NDUFV3: variants seen among roughly 807,000 people sequenced by gnomAD.
NDUFV3 encodes the protein NADH dehydrogenase [ubiquinone] flavoprotein 3, mitochondrial.
A neutral mutation model predicts 37.5 loss-of-function variants in NDUFV3; 44 were observed. That is an observed-to-expected ratio of 1.17 (90% confidence interval 0.92 to 1.51). NDUFV3 has a LOEUF of 1.51. Ranked by LOEUF, NDUFV3 falls within the 40% of genes most tolerant of loss-of-function variation. NDUFV3 has a pLI of 0.00. For synonymous variants in NDUFV3, 235 were observed against 239.3 expected (o/e 0.98, Z 0.17); for missense variants, 580 against 580.4 (o/e 1.00, Z 0.01).
In NDUFV3 at chr21:42,901,052, T is replaced by C. The variant is rs1409235755; in HGVS notation, c.170-2130T>C. Among the ~76,000 whole-genome samples, 2 of 152,188 alleles carry C rather than the reference T, an allele frequency of 1.3e-5. 1 individual carries two copies. The highest frequency in any genetic ancestry group is 3.8e-4 in the East Asian group (2 of 5,202). ...TATGTCCAGAAGCCACAGTTAATTA[T>C]CCATTTGAAGTCCTTGTTTCAGTTT... On this transcript the variant is annotated intron_variant, in intron 2 of 3. Transcript: ENST00000354250.
chr21:42,901,870 CTG>C (rs1477521624), intron 2 of NDUFV3, among the ~76,000 whole-genome samples: 5 of 152,232 alleles, frequency 3.3e-5, no homozygotes, highest in Non-Finnish European at 7.3e-5. Context: ...ATTTTAATCA[CTG>C]TGCTGTCTTC....
rs188261973 is a variant in NDUFV3 at position 42,901,122 on chromosome 21, A to C, written c.170-2060A>C. 2.0e-5 allele frequency among the ~76,000 whole-genome samples: 3 copies of C among 152,224 alleles called. No homozygotes were observed. The East Asian group carries it at 5.8e-4, about 29-fold the overall frequency. On this transcript the variant is annotated intron_variant, in intron 2 of 3. Coordinates refer to ENST00000354250, the MANE Select transcript of NDUFV3 (RefSeq NM_021075.4). ...GAAATAGAAATTTCACGTAATTTCT[A>C]TTTACACACAGTGTAAATAGTGGCT...
rs1307995263 is a variant in NDUFV3, at chr21:42,911,307, T to TG, written c.*2287dup. ...AGTATTGTGGTCATCTGCCTCAAAT[T>TG]GTGTTACCACACGGGAGACTTAGCA... On this transcript the variant is annotated 3_prime_UTR_variant, in exon 4 of 4. Coordinates refer to ENST00000354250, the MANE Select transcript of NDUFV3 (RefSeq NM_021075.4). The TG allele has an allele frequency of 6.6e-6, 1 of 152,158 alleles. No individual in the cohort carries two copies. The highest frequency in any genetic ancestry group is 1.5e-5 in the Non-Finnish European group (1 of 68,032). 9.4% of individuals were successfully genotyped at this position (152,158 alleles called of 1,614,324 possible). A position where few individuals can be genotyped will look rare whatever the true frequency, so the allele number is the denominator to read the frequency against.
chr21:42,894,021 G>A (rs62219136), intron 1 of NDUFV3, among the ~76,000 whole-genome samples: 27,477 of 151,654 alleles, frequency 0.18, 2,765 homozygotes, highest in Non-Finnish European at 0.21. Flanking sequence ...TTCGAGACTA[G>A]CCTGGCCAAC....
intron 3 of NDUFV3, among the ~76,000 whole-genome samples, chr21:42,907,931 G>A (rs1341403058): frequency 6.6e-6 from 1 of 151,888 alleles, no homozygotes; most frequent in Non-Finnish European, 1.5e-5. Context: ...GCATCTCTAA[G>A]TTACCTGAAA....
chr21:42,907,581 A>G (rs1341211736), intron 3 of NDUFV3, among the ~76,000 whole-genome samples: 1 of 151,570 alleles, frequency 6.6e-6, no homozygotes, highest in Admixed American at 6.6e-5. Flanking sequence ...CTCCTGACAT[A>G]GCTGGGATTA....
chr21:42,896,939 G>A lies in NDUFV3; in HGVS notation c.61G>A (p.Glu21Lys), dbSNP rs1170221684. ...RAGALKTMLQ[E>K]AQVFRGLAST... is the part of the protein sequence containing the mutation. ...ATTCTTTTGTCAGACTATGCTCCAG[G>A]AAGCCCAGGTGTTTCGAGGACTTGC... Residue 21 changes from glutamate (E) to lysine (K), a missense_variant, in exon 2 of 4, where the codon GAA becomes AAA. Glu to Lys is a moderately conservative substitution (Grantham distance 56). Coordinates refer to ENST00000354250, the MANE Select transcript of NDUFV3 (RefSeq NM_021075.4). 6.2e-7 allele frequency: 1 copy of A among 1,613,540 alleles called. No individual in the cohort carries two copies.
rs140627218 is a variant in NDUFV3 at position 42,904,040 on chromosome 21, G to T, written c.1028G>T (p.Arg343Leu). The T allele has an allele frequency of 6.2e-7, 1 of 1,614,142 alleles. No individual in the cohort carries two copies. Among genetic ancestry groups the T allele is most frequent in the Non-Finnish European group, 8.5e-7 (1 of 1,180,012 alleles). The change falls in exon 3 of 4, where the codon CGC becomes CTC. Residue 343 changes from arginine (R) to leucine (L), a missense_variant. Coordinates refer to ENST00000354250, the MANE Select transcript of NDUFV3 (RefSeq NM_021075.4). ...GAAAAACCCGTGCCAGAGCCCCAGC[G>T]CAAGGCGGCCCCTCCCCTGCCCAGA... The part of the protein sequence containing the change: ...HLEKPVPEPQ[R>L]KAAPPLPRKE...
At position 42,904,009 on chromosome 21, in the gene NDUFV3, C is replaced by T. The variant is rs756330030; in HGVS notation, c.997C>T (p.His333Tyr). 10 of 1,613,982 alleles carry T rather than the reference C, an allele frequency of 6.2e-6. No homozygotes were observed. The South Asian group carries it at 8.8e-5, about 14-fold the overall frequency. ...CAGTCCTCCTGGGGCGGCAGAGGGG[C>T]ATCTGGAAAAACCCGTGCCAGAGCC... The part of the protein sequence containing the change: ...QASPPGAAEG[H>Y]LEKPVPEPQR... Residue 333 changes from histidine to tyrosine, a missense_variant, in exon 3 of 4, where the codon CAT becomes TAT. Transcript: ENST00000354250.
At chr21:42,893,525 C>T in intron 1 of NDUFV3, 144 bp downstream of exon 1, 5 of 907,692 alleles carry the variant, frequency 5.5e-6, no homozygotes, top group Non-Finnish European at 8.1e-6. Flanking sequence ...CTCCCTGGGC[C>T]CAGGACTGAC....
chr21:42,907,295 T>A (rs981003625), intron 3 of NDUFV3, among the ~76,000 whole-genome samples: 33 of 152,112 alleles, frequency 2.2e-4, no homozygotes, highest in Admixed American at 4.6e-4. Flanking sequence ...TCAAAAAAAA[T>A]TTTTTATTTG....
At chr21:42,893,440 G>C in intron 1 of NDUFV3, 59 bp downstream of exon 1, 1 of 1,524,726 alleles carries the variant, frequency 6.6e-7, no homozygotes, top group Non-Finnish European at 8.8e-7. Context: ...AGGGGATGGG[G>C]TGAGGGGGCG....
intron 3 of NDUFV3, among the ~76,000 whole-genome samples, chr21:42,904,665 T>C (rs933390291): frequency 6.6e-5 from 10 of 151,808 alleles, no homozygotes; most frequent in Non-Finnish European, 1.2e-4. Flanking sequence ...TTTGTATTTT[T>C]AGTAGAGATG....
chr21:42,901,425 A>C (rs1448930483), intron 2 of NDUFV3, among the ~76,000 whole-genome samples: 1 of 150,938 alleles, frequency 6.6e-6, no homozygotes, highest in African/African-American at 2.4e-5. Context: ...CTGACCCAAA[A>C]GAGTGAAACT....
chr21:42,899,185 A>G (rs1216514279), intron 2 of NDUFV3, among the ~76,000 whole-genome samples: 3 of 152,116 alleles, frequency 2.0e-5, no homozygotes, highest in Non-Finnish European at 4.4e-5. Flanking sequence ...GCAGTGGGAT[A>G]CACGTAGCTA....
intron 3 of NDUFV3, among the ~76,000 whole-genome samples, chr21:42,905,184 T>C (rs1189034076): frequency 6.6e-6 from 1 of 152,238 alleles, no homozygotes; most frequent in Non-Finnish European, 1.5e-5. Context: ...TTGTCACCAC[T>C]GACTTTTGAA....
chr21:42,900,546 A>G (rs1345704977), intron 2 of NDUFV3, among the ~76,000 whole-genome samples: 1 of 152,104 alleles, frequency 6.6e-6, no homozygotes, highest in Non-Finnish European at 1.5e-5. Context: ...AAAATAAATA[A>G]TGCTTGTAAA....
At chr21:42,907,671 A>C (rs1295918970) in intron 3 of NDUFV3, among the ~76,000 whole-genome samples, 3 of 151,870 alleles carry the variant, frequency 2.0e-5, no homozygotes, top group African/African-American at 7.3e-5. Flanking sequence ...GGCTGCTCTC[A>C]AACTCCTGGC....
chr21:42,893,850 G>C (rs1446767833), intron 1 of NDUFV3, among the ~76,000 whole-genome samples: 1 of 152,240 alleles, frequency 6.6e-6, no homozygotes, highest in Middle Eastern at 3.2e-3. Context: ...CAGCCGTTGA[G>C]AAGCCAGCTG....
Sources: gnomAD v4.1 joint callset for allele counts (sites outside exome capture counted in the v4.1 genomes callset) on GRCh38, gnomAD v4.1.1 for gene constraint, MANE v1.5 for transcripts, NCBI Gene and HGNC (gene_info 2026-07-23, HGNC 2026-07-21) for gene names.